Variants in GPR146 observed in about 807,000 individuals in gnomAD.
GPR146 encodes G-protein coupled receptor 146.
For missense variants in GPR146, 381 were observed against 213.9 expected (o/e 1.78, Z -4.87); for synonymous variants, 203 against 104.3 (o/e 1.95, Z -5.77).
rs769940831 is a variant in GPR146 at position 1,058,204 on chromosome 7, C to T, written c.689C>T (p.Ser230Leu). 58 of 748,520 alleles carry T rather than the reference C, an allele frequency of 7.7e-5. No homozygotes were observed. The highest frequency in any genetic ancestry group is 3.0e-4 in the South Asian group (22 of 73,076). The allele number at this position is 748,520 out of a possible 1,614,324, so 46.4% of individuals were successfully genotyped here. Residue 230 changes from serine to leucine, a missense_variant, in exon 2 of 2, where the codon TCG becomes TTG. Coordinates refer to ENST00000444847, the MANE Select transcript of GPR146 (RefSeq NM_001303473.2). ...LDRDTGRLEP[S>L]AHRLLVATVC... ...CGGGACACGGGCCGGCTGGAGCCCT[C>T]GGCACACAGGCTGCTGGTGGCCACC...
intron 1 of GPR146, among the ~76,000 whole-genome samples, chr7:1,054,854 C>T (rs890045056): frequency 1.4e-4 from 21 of 152,254 alleles, no homozygotes; most frequent in Admixed American, 1.2e-3. Context: ...AACCTGCCCT[C>T]GGCCTCCGCT....
At position 1,052,897 on chromosome 7, in the gene GPR146, A is replaced by C. The variant is rs56048221; in HGVS notation, c.-24-4595A>C. 6.6e-6 allele frequency among the ~76,000 whole-genome samples: 1 copy of C among 152,046 alleles called. No individual in the cohort carries two copies. Among genetic ancestry groups the C allele is most frequent in the African/African-American group, 2.4e-5 (1 of 41,384 alleles). ...GCCTCCAGAATCTTTCATCGCCGCC[A>C]CAACAAACTCAGGCTTTCGTGTAGG... On this transcript the variant is annotated intron_variant, in intron 1 of 1. Transcript: ENST00000444847. This position sits in a 1 kb window ranked among gnomAD's most constrained non-coding sequence, Gnocchi z 4.2.
At chr7:1,049,989 G>C (rs1051438286) in intron 1 of GPR146, among the ~76,000 whole-genome samples, 2 of 152,000 alleles carry the variant, frequency 1.3e-5, no homozygotes, top group Non-Finnish European at 2.9e-5. Context: ...CCACACTGTC[G>C]GCCCCCAAAG....
intron 1 of GPR146, chr7:1,056,347 C>G (rs1378620127): frequency 6.5e-6 from 1 of 152,676 alleles, no homozygotes; most frequent in Non-Finnish European, 1.5e-5. Flanking sequence ...AGCGGCCTAG[C>G]TCTGCATGCC....
chr7:1,058,307 G>T lies in GPR146; in HGVS notation c.792G>T (p.Lys264Asn). 1 of 775,474 alleles carries T rather than the reference G, an allele frequency of 1.3e-6. No homozygotes were observed. 48.0% of individuals were successfully genotyped at this position (775,474 alleles called of 1,614,324 possible). A position where few individuals can be genotyped will look rare whatever the true frequency, so the allele number is the denominator to read the frequency against. The change falls in exon 2 of 2, where the codon AAG becomes AAT. Residue 264 changes from lysine (K) to asparagine (N), a missense_variant. Physicochemically the swap from Lys to Asn is moderately conservative, Grantham distance 94 (BLOSUM62 0). Coordinates refer to ENST00000444847, the MANE Select transcript of GPR146 (RefSeq NM_001303473.2). ...LGHTVIISRG[K>N]PVDAHYLGLL... ...ACACGGTCATCATCTCGCGAGGGAAGCCCGTGGACGCACACTACCTGGGGC... is the reference window on the plus strand; with the variant it reads ...ACACGGTCATCATCTCGCGAGGGAATCCCGTGGACGCACACTACCTGGGGC...
At chr7:1,050,704 T>G (rs1189280785) in intron 1 of GPR146, among the ~76,000 whole-genome samples, 1 of 152,166 alleles carries the variant, frequency 6.6e-6, no homozygotes, top group African/African-American at 2.4e-5. Flanking sequence ...GCACGGGGTC[T>G]TGGAAGAAAA....
chr7:1,058,143 C>T lies in GPR146; in HGVS notation c.628C>T (p.Leu210Phe), dbSNP rs1423918441. The change falls in exon 2 of 2, where the codon CTC becomes TTC. Residue 210 changes from leucine to phenylalanine, a missense_variant. Coordinates refer to ENST00000444847, the MANE Select transcript of GPR146 (RefSeq NM_001303473.2). ...ALATLYALVL[L>F]SRVRREDTPL... ...GGCCACCCTCTACGCGCTGGTGCTA[C>T]TCTCCCGCGTCCGCAGGGAGGACAC... 2.7e-6 allele frequency: 2 copies of T among 744,476 alleles called. No homozygotes were observed. The highest frequency in any genetic ancestry group is 4.9e-6 in the Non-Finnish European group (2 of 405,882). The allele number at this position is 744,476 out of a possible 1,614,324, so 46.1% of individuals were successfully genotyped here.
chr7:1,057,549 C>T lies in GPR146; in HGVS notation c.34C>T (p.Leu12=). ...WSCSWFNGTG[L]VEELPACQDL... is the part of the protein sequence containing the mutation. ...CTGCAGCTGGTTCAACGGCACAGGG[C>T]TGGTGGAGGAGCTGCCTGCCTGCCA... Residue 12 remains leucine, a synonymous_variant, in exon 2 of 2, where the codon CTG becomes TTG. Transcript: ENST00000444847. 2 of 773,782 alleles carry T rather than the reference C, an allele frequency of 2.6e-6. No individual in the cohort carries two copies. The highest frequency in any genetic ancestry group is 2.7e-5 in the South Asian group (2 of 73,900). 47.9% of individuals were successfully genotyped at this position (773,782 alleles called of 1,614,324 possible).
Position 1,052,937 on chromosome 7 carries a change from C to G in GPR146, c.-24-4555C>G, listed in dbSNP as rs1202204282. Among the ~76,000 whole-genome samples, 5 of 152,196 alleles carry G rather than the reference C, an allele frequency of 3.3e-5. No homozygotes were observed. On this transcript the variant is annotated intron_variant, in intron 1 of 1. Transcript: ENST00000444847. The surrounding 1 kb of genome is among the most constrained non-coding windows in gnomAD (Gnocchi z 4.2). ...TTTCGTGTAGGAAAAGAGCCCACTTCTGAAGAGGCTCATCTGGGCTTTCTC... is the reference window on the plus strand; with the variant it reads ...TTTCGTGTAGGAAAAGAGCCCACTTGTGAAGAGGCTCATCTGGGCTTTCTC...
At chr7:1,050,967 G>A (rs1455951785) in intron 1 of GPR146, among the ~76,000 whole-genome samples, 3 of 152,268 alleles carry the variant, frequency 2.0e-5, no homozygotes, top group Non-Finnish European at 4.4e-5. Context: ...TGCCGTCAGA[G>A]AGGGGGATGG....
At chr7:1,047,869 G>A (rs1297416672) in intron 1 of GPR146, among the ~76,000 whole-genome samples, 1 of 152,184 alleles carries the variant, frequency 6.6e-6, no homozygotes, top group Non-Finnish European at 1.5e-5. Flanking sequence ...ACTCGCCTTG[G>A]TGGATCACTC....
chr7:1,053,437 C>A (rs920509481), intron 1 of GPR146, among the ~76,000 whole-genome samples: 1 of 152,230 alleles, frequency 6.6e-6, no homozygotes, highest in Non-Finnish European at 1.5e-5. Context: ...TCACGAGTCT[C>A]CTGTGACCAG....
rs73267962 is a variant in GPR146 at position 1,058,918 on chromosome 7, A to G, written c.*401A>G. The G allele has an allele frequency of 0.029, 5,683 of 198,192 alleles. 319 individuals are homozygous for G. The highest frequency in any genetic ancestry group is 0.12 in the African/African-American group (5,218 of 42,458). The allele number at this position is 198,192 out of a possible 1,614,324, so 12.3% of individuals were successfully genotyped here. ...ACAGATGTTTCCTAGAAAAATGACA[A>G]ATAGTAAAATGAACAAAACCCTACG... is the stretch of plus-strand genomic sequence containing the variant. On this transcript the variant is annotated 3_prime_UTR_variant, in exon 2 of 2. Transcript: ENST00000444847.
rs1782387214 is a variant in GPR146, at chr7:1,044,575, C to A, written c.-108C>A. On this transcript the variant is annotated 5_prime_UTR_variant, in exon 1 of 2. Coordinates refer to ENST00000444847, the MANE Select transcript of GPR146 (RefSeq NM_001303473.2). The stretch of plus-strand genomic sequence containing the variant: ...ACGTGTGTACACAGGGCCCGGGCGG[C>A]GTGCGCGCCGTGAGCCCCGCCGCCT... The A allele has an allele frequency of 6.6e-6, 1 of 150,620 alleles. No homozygotes were observed. The allele number at this position is 150,620 out of a possible 1,614,324, so 9.3% of individuals were successfully genotyped here.
At chr7:1,053,147 G>T (rs1256961186) in intron 1 of GPR146, among the ~76,000 whole-genome samples, 1 of 152,234 alleles carries the variant, frequency 6.6e-6, no homozygotes, top group Non-Finnish European at 1.5e-5. Context: ...GCCAGGAAAA[G>T]GAAGTCTCTG....
intron 1 of GPR146, among the ~76,000 whole-genome samples, chr7:1,053,755 A>T (rs1480638111): frequency 6.6e-6 from 1 of 152,170 alleles, no homozygotes; most frequent in Non-Finnish European, 1.5e-5. Flanking sequence ...TGAACCCGGG[A>T]GGCGGAGGTT....
In GPR146 at chr7:1,047,213, G is replaced by A. The variant is rs10270216; in HGVS notation, c.-25+2555G>A. On this transcript the variant is annotated intron_variant, in intron 1 of 1. Coordinates refer to ENST00000444847, the MANE Select transcript of GPR146 (RefSeq NM_001303473.2). ...AGCTGCAGGCACAGGTGCCCAGCCC[G>A]CTCACTGGCCCAGCAAGGTGCTTGG... Among the ~76,000 whole-genome samples, 435 of 152,316 alleles carry A rather than the reference G, an allele frequency of 2.9e-3. 5 individuals carry two copies. The highest frequency in any genetic ancestry group is 9.9e-3 in the African/African-American group (413 of 41,572).
intron 1 of GPR146, among the ~76,000 whole-genome samples, chr7:1,053,115 T>C (rs1563050896): frequency 1.3e-5 from 2 of 152,136 alleles, no homozygotes; most frequent in Non-Finnish European, 2.9e-5. Flanking sequence ...CAGGATGCCC[T>C]GCTTCCCCAG....
rs116365352 is a variant in GPR146 at position 1,050,064 on chromosome 7, G to A, written c.-25+5406G>A. ...TAGGCCTTGGCAGGGCCCCCTCAGCGGGCCCCACTCTGAACCGCAAGCACA... is the reference window on the plus strand; with the variant it reads ...TAGGCCTTGGCAGGGCCCCCTCAGCAGGCCCCACTCTGAACCGCAAGCACA... On this transcript the variant is annotated intron_variant, in intron 1 of 1. Transcript: ENST00000444847. Among the ~76,000 whole-genome samples the A allele has an allele frequency of 7.9e-3, 1,203 of 152,294 alleles. 11 individuals are homozygous for A. Among genetic ancestry groups the A allele is most frequent in the African/African-American group, 0.028 (1,161 of 41,570 alleles).
Sources: gnomAD v4.1 joint callset for allele counts (sites outside exome capture counted in the v4.1 genomes callset) on GRCh38, gnomAD v4.1.1 for gene constraint, Gnocchi (gnomAD v3.1) non-coding constraint, MANE v1.5 for transcripts, NCBI Gene and HGNC (gene_info 2026-07-23, HGNC 2026-07-21) for gene names.